The following MUSK variants were observed in gnomAD, a reference collection of about 807,000 sequenced individuals.
MUSK encodes the protein muscle associated receptor tyrosine kinase.
MUSK carries 55 observed loss-of-function variants against 88.7 expected under a neutral mutation model. That is an observed-to-expected ratio of 0.62 (90% CI 0.50 to 0.78). The LOEUF (loss-of-function observed/expected upper bound fraction) is 0.78, where lower values mean the gene tolerates loss of function less well. MUSK is among the 30% of genes least tolerant of loss of function. The probability of loss-of-function intolerance (pLI) is 0.00; values close to 1 mark genes in which losing one functional copy is unlikely to be tolerated. For missense variants in MUSK, 1,015 were observed against 1,074.3 expected, an observed-to-expected ratio of 0.94 and a Z score of 0.77; for synonymous variants, 387 against 391.9, an observed-to-expected ratio of 0.99 and a Z score of 0.15.
rs1036669510 is a variant in MUSK, at chr9:110,802,691, C to G, written c.*1703C>G. Among the ~76,000 whole-genome samples, 8 of 152,190 alleles carry G rather than the reference C, an allele frequency of 5.3e-5. No homozygotes were observed. The highest frequency in any genetic ancestry group is 1.9e-4 in the African/African-American group (8 of 41,436). The stretch of plus-strand genomic sequence containing the variant: ...AAAATCCTCCTGCTGACATCCTCTT[C>G]CCTTCAACCCAAGAGCCAATGACTC... On this transcript the variant is annotated 3_prime_UTR_variant, in exon 15 of 15. Coordinates refer to ENST00000374448, the MANE Select transcript of MUSK (RefSeq NM_005592.4).
At position 110,697,465 on chromosome 9, in the gene MUSK, G is replaced by A. The variant is rs754060972; in HGVS notation, c.627G>A (p.Glu209=). The A allele has an allele frequency of 6.2e-7, 1 of 1,608,454 alleles. No individual in the cohort carries two copies. The highest frequency in any genetic ancestry group is 1.1e-5 in the South Asian group (1 of 89,896). ...CCAAAGTGGTGAAGCTGGAAGTTGAGGGTAAGGAGCTGCATTTCTTCCCCT... is the reference window on the plus strand; with the variant it reads ...CCAAAGTGGTGAAGCTGGAAGTTGAAGGTAAGGAGCTGCATTTCTTCCCCT... ...AYSKVVKLEV[E]VFARILRAPE... Residue 209 remains glutamate, a splice_region_variant and synonymous_variant, in exon 5 of 15, where the codon GAG becomes GAA. Coordinates refer to ENST00000374448, the MANE Select transcript of MUSK (RefSeq NM_005592.4).
At chr9:110,771,646 G>GGTA (rs1337363286) in intron 9 of MUSK, among the ~76,000 whole-genome samples, 1 of 152,102 alleles carries the variant, frequency 6.6e-6, no homozygotes, top group Non-Finnish European at 1.5e-5. Flanking sequence ...TGAAGAAGTA[G>GGTA]GTAGGGTCAA....
At chr9:110,749,025 AAATAAT>A (rs1226285181) in intron 7 of MUSK, among the ~76,000 whole-genome samples, 4 of 152,164 alleles carry the variant, frequency 2.6e-5, no homozygotes, top group Admixed American at 6.5e-5. Context: ...TCAATTTAAC[AAATAAT>A]AATAATATCA....
At chr9:110,672,956 G>T (rs1587873165) in intron 1 of MUSK, among the ~76,000 whole-genome samples, 1 of 152,138 alleles carries the variant, frequency 6.6e-6, no homozygotes, top group Non-Finnish European at 1.5e-5. Flanking sequence ...TCATGTATTT[G>T]TTATTCATGT....
chr9:110,774,973 A>G lies in MUSK; in HGVS notation c.1185-815A>G, dbSNP rs895486654. 2.6e-5 allele frequency among the ~76,000 whole-genome samples: 4 copies of G among 152,282 alleles called. No homozygotes were observed. The South Asian group carries it at 6.2e-4, about 24-fold the overall frequency. On this transcript the variant is annotated intron_variant, in intron 9 of 14. Coordinates refer to ENST00000374448, the MANE Select transcript of MUSK (RefSeq NM_005592.4). ...ATTATTATGTTTAATTTATTTAATT[A>G]TCTTTAATTTCCTCTTATTATTAAC...
intron 7 of MUSK, among the ~76,000 whole-genome samples, chr9:110,752,661 T>C (rs2077262618): frequency 6.6e-6 from 1 of 152,224 alleles, no homozygotes; most frequent in Admixed American, 6.5e-5. Context: ...CTCCATCTGT[T>C]TATTTGCTCT....
At chr9:110,689,534 A>ACTATATAGTT (rs1554735085) in intron 3 of MUSK, among the ~76,000 whole-genome samples, 19 of 102,218 alleles carry the variant, frequency 1.9e-4, no homozygotes, top group African/African-American at 3.1e-4. Context: ...ACTATATATA[A>ACTATATAGTT]ATATATAGTT....
chr9:110,720,344 G>A (rs1284786980), intron 5 of MUSK, among the ~76,000 whole-genome samples: 1 of 151,960 alleles, frequency 6.6e-6, no homozygotes, highest in Non-Finnish European at 1.5e-5. Context: ...TAGACCATTA[G>A]CTAGATTAAC....
chr9:110,733,811 T>C (rs1367801110), intron 5 of MUSK, among the ~76,000 whole-genome samples: 1 of 151,956 alleles, frequency 6.6e-6, no homozygotes, highest in Non-Finnish European at 1.5e-5. Context: ...AAAAAATAAA[T>C]AAGGTAATTT....
At chr9:110,713,915 A>G (rs2076711246) in intron 5 of MUSK, among the ~76,000 whole-genome samples, 2 of 152,188 alleles carry the variant, frequency 1.3e-5, no homozygotes, top group Non-Finnish European at 2.9e-5. Flanking sequence ...CCATGGTTAT[A>G]CAGGATGCTA....
At chr9:110,688,066 C>A (rs1564215085) in intron 3 of MUSK, among the ~76,000 whole-genome samples, 1 of 152,114 alleles carries the variant, frequency 6.6e-6, no homozygotes, top group Non-Finnish European at 1.5e-5. Flanking sequence ...TCTCCCAGCC[C>A]TCAGTGTTGC....
intron 1 of MUSK, among the ~76,000 whole-genome samples, chr9:110,678,609 T>C (rs1330325329): frequency 6.6e-6 from 1 of 152,204 alleles, no homozygotes; most frequent in East Asian, 1.9e-4. Context: ...CTTTACTACA[T>C]GTGAACAATT....
chr9:110,668,813 T>C lies in MUSK; in HGVS notation c.-92T>C, dbSNP rs1255652855. On this transcript the variant is annotated 5_prime_UTR_variant, in exon 1 of 15. Coordinates refer to ENST00000374448, the MANE Select transcript of MUSK (RefSeq NM_005592.4). ...AACAGTCATTAGCAGACAACCCTTT[T>C]GCAACAAAGTATGCTTTAAAATGTA... 1.0e-6 allele frequency: 1 copy of C among 977,268 alleles called. No individual in the cohort carries two copies. Among genetic ancestry groups the C allele is most frequent in the African/African-American group, 1.6e-5 (1 of 62,090 alleles). The allele number at this position is 977,268 out of a possible 1,614,324, so 60.5% of individuals were successfully genotyped here.
intron 1 of MUSK, among the ~76,000 whole-genome samples, chr9:110,669,702 G>A (rs919147556): frequency 2.0e-5 from 3 of 152,194 alleles, no homozygotes; most frequent in African/African-American, 7.2e-5. Context: ...ATAGTTTCTG[G>A]CCAGTGTATT....
intron 5 of MUSK, among the ~76,000 whole-genome samples, chr9:110,708,308 T>A (rs1050358779): frequency 6.6e-6 from 1 of 152,216 alleles, no homozygotes; most frequent in South Asian, 2.1e-4. Flanking sequence ...TGCTTTTTCC[T>A]TTGTTTATGC....
intron 3 of MUSK, among the ~76,000 whole-genome samples, chr9:110,689,718 T>TAGTTATATATAAATATAAAACTATATATA (rs370720549): frequency 3.9e-5 from 2 of 51,662 alleles, no homozygotes; most frequent in South Asian, 5.9e-4. Context: ...TAACTATATA[T>TAGTTATATATAAATATAAAACTATATATA]GTTATATATA....
intron 5 of MUSK, among the ~76,000 whole-genome samples, chr9:110,731,564 C>G (rs1198752616): frequency 6.6e-6 from 1 of 151,994 alleles, no homozygotes; most frequent in Non-Finnish European, 1.5e-5. Flanking sequence ...TCCCTTTAAT[C>G]CCTGGCCTTA....
intron 5 of MUSK, among the ~76,000 whole-genome samples, chr9:110,707,354 C>G (rs757694779): frequency 2.6e-5 from 4 of 152,036 alleles, no homozygotes; most frequent in Non-Finnish European, 5.9e-5. Flanking sequence ...ATCTAATTTT[C>G]TTTTTTCCCC....
chr9:110,785,601 A>T lies in MUSK; in HGVS notation c.1661A>T (p.Tyr554Phe). 3.1e-6 allele frequency: 5 copies of T among 1,613,496 alleles called. No individual in the cohort carries two copies. The highest frequency in any genetic ancestry group is 4.2e-6 in the Non-Finnish European group (5 of 1,179,692). ...GATAGACTTCATCCCAACCCCATGTACCAGAGGATGCCGCTCCTTCTGAAC... is the reference window on the plus strand; with the variant it reads ...GATAGACTTCATCCCAACCCCATGTTCCAGAGGATGCCGCTCCTTCTGAAC... Reference protein sequence around the residue: ...LLDRLHPNPMYQRMPLLLNPK... With the variant: ...LLDRLHPNPMFQRMPLLLNPK... The change falls in exon 13 of 15, where the codon TAC (tyrosine) becomes TTC (phenylalanine). Residue 554 changes from tyrosine (Y) to phenylalanine (F), a missense_variant. Coordinates refer to ENST00000374448, the MANE Select transcript of MUSK (RefSeq NM_005592.4).
Sources: allele counts gnomAD v4.1 joint callset (sites outside exome capture counted in the v4.1 genomes callset), GRCh38; gene constraint gnomAD v4.1.1; transcripts MANE v1.5; gene names NCBI Gene and HGNC (gene_info 2026-07-23, HGNC 2026-07-21).